Variants in IQCE observed in about 807,000 individuals in gnomAD.
IQCE encodes IQ domain-containing protein E.
IQCE carries 115 observed loss-of-function variants against 96.0 expected under a neutral mutation model. The observed-to-expected ratio is 1.20, with a 90% CI of 1.03 to 1.40. IQCE has a LOEUF of 1.40. Ranked by LOEUF, IQCE falls within the 40% of genes most tolerant of loss-of-function variation. IQCE has a pLI of 0.00. For missense variants in IQCE, 1,041 were observed against 909.1 expected (o/e 1.15, Z -1.87); for synonymous variants, 412 against 371.2 (o/e 1.11, Z -1.26).
chr7:2,573,049 A>G (rs930577228), intron 5 of IQCE, among the ~76,000 whole-genome samples: 6 of 152,172 alleles, frequency 3.9e-5, no homozygotes, highest in Admixed American at 3.3e-4. Flanking sequence ...TTACATTGGA[A>G]TGGGTGTTGA....
intron 4 of IQCE, 25 bp from the exon 5 acceptor site, chr7:2,572,167 T>G (rs372180280): frequency 1.2e-4 from 194 of 1,603,708 alleles, no homozygotes; most frequent in Non-Finnish European, 1.6e-4. Context: ...ATCTGTCATA[T>G]TAAACCCATG....
intron 8 of IQCE, among the ~76,000 whole-genome samples, chr7:2,581,603 G>A (rs141398196): frequency 5.3e-5 from 8 of 152,166 alleles, no homozygotes; most frequent in Non-Finnish European, 1.0e-4. Flanking sequence ...TACTTTGGGA[G>A]GCCAAGGCAG....
intron 1 of IQCE, 93 bp downstream of exon 1, chr7:2,559,310 C>G (rs1780738364): frequency 2.9e-6 from 2 of 678,634 alleles, no homozygotes; most frequent in South Asian, 7.2e-5. Flanking sequence ...GCGCAGGGGC[C>G]GGCCCGGGGC....
chr7:2,568,593 C>T (rs1471290497), intron 2 of IQCE, among the ~76,000 whole-genome samples: 1 of 152,224 alleles, frequency 6.6e-6, no homozygotes, highest in Non-Finnish European at 1.5e-5. Context: ...TGACCACCTC[C>T]ACCTGAGTGG....
intron 6 of IQCE, among the ~76,000 whole-genome samples, chr7:2,575,756 G>A (rs918296644): frequency 2.0e-5 from 3 of 152,184 alleles, no homozygotes; most frequent in Non-Finnish European, 4.4e-5. Flanking sequence ...TGCACCCATT[G>A]GCTTTTTTAG....
At position 2,595,263 on chromosome 7, in the gene IQCE, C is replaced by T. The variant is rs35896831; in HGVS notation, c.1440+287C>T. ...CATGCGGAGGGTGTAGTTATGCGGC[C>T]GGAGCTGTCACTGAGAGGCAGGAGG... On this transcript the variant is annotated intron_variant, in intron 16 of 21. Transcript: ENST00000402050. Among the ~76,000 whole-genome samples the T allele has an allele frequency of 9.8e-3, 1,487 of 152,256 alleles. 11 individuals carry two copies. Among genetic ancestry groups the T allele is most frequent in the Non-Finnish European group, 0.016 (1,076 of 68,018 alleles).
chr7:2,586,499 A>G (rs1216340192), intron 12 of IQCE, 128 bp downstream of exon 12: 2 of 1,019,760 alleles, frequency 2.0e-6, no homozygotes, highest in East Asian at 2.6e-5. Flanking sequence ...GGGCAACGCC[A>G]GTTCCCACAT....
intron 14 of IQCE, among the ~76,000 whole-genome samples, chr7:2,592,713 T>TTG (rs1403438269): frequency 6.6e-6 from 1 of 152,180 alleles, no homozygotes; most frequent in African/African-American, 2.4e-5. Flanking sequence ...CTCACACGGG[T>TTG]GCGAGGTCCG....
Position 2,573,440 on chromosome 7 carries a change from C to T in IQCE, c.417C>T (p.Val139=), listed in dbSNP as rs372351268. 7 of 1,530,276 alleles carry T rather than the reference C, an allele frequency of 4.6e-6. No homozygotes were observed. In the African/African-American group the frequency reaches 5.5e-5, roughly 12 times the overall value. 94.8% of individuals were successfully genotyped at this position (1,530,276 alleles called of 1,614,324 possible). ...TAGGTCATGTCCCTGGGACTCCTGT[C>T]TACAGAGAAAAAGAAGATATGTATG... The part of the protein sequence containing the change: ...ASNGHVPGTP[V]YREKEDMYDE... Residue 139 remains valine (V), a synonymous_variant, in exon 6 of 22, where the codon GTC becomes GTT. Transcript: ENST00000402050.
intron 1 of IQCE, among the ~76,000 whole-genome samples, chr7:2,565,500 T>G (rs1781307899): frequency 6.6e-6 from 1 of 152,176 alleles, no homozygotes; most frequent in Non-Finnish European, 1.5e-5. Context: ...ATTCAAAAAG[T>G]CTTCAAGATT....
intron 2 of IQCE, 50 bp from the exon 3 acceptor site, chr7:2,568,904 C>T (rs1470828921): frequency 3.9e-6 from 6 of 1,540,354 alleles, no homozygotes; most frequent in African/African-American, 1.4e-5. Flanking sequence ...TCTTGTGATG[C>T]ACCACTGTGG....
chr7:2,580,766 G>T (rs1351644132), intron 8 of IQCE, among the ~76,000 whole-genome samples: 3 of 152,204 alleles, frequency 2.0e-5, no homozygotes, highest in Non-Finnish European at 2.9e-5. Flanking sequence ...GTGTGGCAGA[G>T]CCCCGTTTCT....
intron 17 of IQCE, among the ~76,000 whole-genome samples, chr7:2,600,895 G>A (rs1784389025): frequency 6.6e-6 from 1 of 152,182 alleles, no homozygotes; most frequent in African/African-American, 2.4e-5. Flanking sequence ...TGATTGTGAC[G>A]CTGCGTGTCA....
chr7:2,597,066 C>A, intron 16 of IQCE: 1 of 471,276 alleles, frequency 2.1e-6, no homozygotes, highest in Non-Finnish European at 4.4e-6. Flanking sequence ...GGCGCGTCGG[C>A]CAGGAGGCGG....
At chr7:2,610,020 T>G in intron 21 of IQCE, 24 bp from the exon 22 acceptor site, 1 of 1,347,072 alleles carries the variant, frequency 7.4e-7, no homozygotes, top group East Asian at 2.3e-5. Flanking sequence ...GGCTGACCCC[T>G]CTCCCTGTGG....
chr7:2,576,890 T>C (rs549272187), intron 6 of IQCE, among the ~76,000 whole-genome samples: 2 of 152,314 alleles, frequency 1.3e-5, no homozygotes, highest in Non-Finnish European at 2.9e-5. Flanking sequence ...TGTGTGGTCA[T>C]GGGAGAAAAC....
chr7:2,597,191 A>G (rs1784107453), intron 16 of IQCE: 2 of 462,402 alleles, frequency 4.3e-6, no homozygotes, highest in Admixed American at 4.7e-5. Context: ...TTTCAGCAGG[A>G]TCTGGGCCAC....
intron 18 of IQCE, among the ~76,000 whole-genome samples, chr7:2,602,555 G>A (rs6461474): frequency 0.17 from 26,063 of 152,170 alleles, 2,730 homozygotes; most frequent in East Asian, 0.45. Flanking sequence ...CTGCTTCTAA[G>A]TGGCAGGGCA....
intron 17 of IQCE, among the ~76,000 whole-genome samples, chr7:2,600,470 C>G (rs1784359069): frequency 6.6e-6 from 1 of 152,208 alleles, no homozygotes; most frequent in African/African-American, 2.4e-5. Context: ...CCACCTTTCC[C>G]CTTGTGGTCT....
Sources: gnomAD v4.1 joint callset for allele counts (sites outside exome capture counted in the v4.1 genomes callset) on GRCh38, gnomAD v4.1.1 for gene constraint, MANE v1.5 for transcripts, NCBI Gene and HGNC (gene_info 2026-07-23, HGNC 2026-07-21) for gene names.